STK32B: variants seen among roughly 807,000 people sequenced by gnomAD.
STK32B encodes the protein serine/threonine-protein kinase 32B.
STK32B carries 43 observed loss-of-function variants against 52.6 expected under a neutral mutation model. The observed-to-expected ratio is 0.82, with a 90% CI of 0.64 to 1.05. The LOEUF (loss-of-function observed/expected upper bound fraction) is 1.05, where lower values mean the gene tolerates loss of function less well. Ranked by LOEUF, STK32B falls within the 50% of genes least tolerant of loss-of-function variation. STK32B has a pLI of 0.00. For missense variants in STK32B, 621 were observed against 534.6 expected (o/e 1.16, Z -1.59); for synonymous variants, 238 against 204.3 (o/e 1.17, Z -1.41).
chr4:5,033,462 G>A, the STK32B span, among the ~76,000 whole-genome samples: 1 of 152,206 alleles, frequency 6.6e-6, no homozygotes, highest in Non-Finnish European at 1.5e-5. Flanking sequence ...GCAGGAAGTG[G>A]GTGAGAACAA....
intron 3 of STK32B, among the ~76,000 whole-genome samples, chr4:5,329,400 G>A (rs900242152): frequency 6.6e-6 from 1 of 152,146 alleles, no homozygotes; most frequent in Non-Finnish European, 1.5e-5. Flanking sequence ...CCAGCCTCCC[G>A]CCATGGGTCA....
At chr4:5,067,675 A>T (rs1742475901) in intron 1 of STK32B, among the ~76,000 whole-genome samples, 1 of 152,100 alleles carries the variant, frequency 6.6e-6, no homozygotes, top group South Asian at 2.1e-4. Context: ...ACAAGTGTGT[A>T]TTAGTCCATT....
chr4:5,093,380 T>A (rs2108785611), intron 1 of STK32B, among the ~76,000 whole-genome samples: 1 of 152,298 alleles, frequency 6.6e-6, no homozygotes, highest in East Asian at 1.9e-4. Flanking sequence ...TGTACTACTG[T>A]AAAAATTTCA....
chr4:5,485,748 T>G (rs1719122851), intron 11 of STK32B, among the ~76,000 whole-genome samples: 1 of 152,212 alleles, frequency 6.6e-6, no homozygotes, highest in South Asian at 2.1e-4. Flanking sequence ...ATGATGGTGA[T>G]GTACAGATGG....
intron 2 of STK32B, among the ~76,000 whole-genome samples, chr4:5,154,016 A>G (rs1390019320): frequency 1.3e-5 from 2 of 152,198 alleles, no homozygotes; most frequent in African/African-American, 4.8e-5. Flanking sequence ...AAAGTAAAGG[A>G]TCTAGAAGAG....
At position 5,167,647 on chromosome 4, in the gene STK32B, G is replaced by C. The variant is rs78343655; in HGVS notation, c.109-652G>C. ...GGGGCTAGGCAAACTTACAAACTCC[G>C]GGAGCCAGTGTAAACACTGGCATCA... On this transcript the variant is annotated intron_variant, in intron 2 of 11. Transcript: ENST00000282908. 2.3e-3 allele frequency among the ~76,000 whole-genome samples: 348 copies of C among 152,324 alleles called. 1 individual carries two copies. The highest frequency in any genetic ancestry group is 7.9e-3 in the African/African-American group (328 of 41,572).
In STK32B at chr4:5,335,729, G is replaced by A. The variant is rs372315180; in HGVS notation, c.434+4336G>A. ...ACATCTTTATTTCTGCCTTCATTTC[G>A]TTATGTACCCGGTAGTCTTTCAGGA... On this transcript the variant is annotated intron_variant, in intron 4 of 11. Coordinates refer to ENST00000282908, the MANE Select transcript of STK32B (RefSeq NM_018401.3). 1.8e-3 allele frequency among the ~76,000 whole-genome samples: 269 copies of A among 151,996 alleles called. 4 individuals are homozygous for A. The South Asian group carries it at 0.034, about 19-fold the overall frequency.
At chr4:5,464,537 A>T (rs1478327682) in intron 9 of STK32B, among the ~76,000 whole-genome samples, 3 of 152,192 alleles carry the variant, frequency 2.0e-5, no homozygotes, top group Non-Finnish European at 2.9e-5. Flanking sequence ...ACCCCAGAAC[A>T]ATGGGTGACA....
intron 3 of STK32B, among the ~76,000 whole-genome samples, chr4:5,234,800 C>T (rs1016406745): frequency 6.6e-6 from 1 of 152,270 alleles, no homozygotes; most frequent in Non-Finnish European, 1.5e-5. Flanking sequence ...CCCAAGGGCA[C>T]TCAAAGCATA....
intron 3 of STK32B, among the ~76,000 whole-genome samples, chr4:5,286,031 G>C (rs558806068): frequency 6.6e-6 from 1 of 152,088 alleles, no homozygotes; most frequent in Non-Finnish European, 1.5e-5. Flanking sequence ...GGATCATTAT[G>C]TGGTGAGAAG....
At chr4:5,071,060 G>C (rs1281148851) in intron 1 of STK32B, among the ~76,000 whole-genome samples, 1 of 152,148 alleles carries the variant, frequency 6.6e-6, no homozygotes, top group Non-Finnish European at 1.5e-5. Context: ...GCCCTCCTGA[G>C]TGCAGAATGC....
Position 5,470,040 on chromosome 4 carries a change from T to C in STK32B, c.1106+1970T>C, listed in dbSNP as rs553276565. Among the ~76,000 whole-genome samples the C allele has an allele frequency of 3.1e-3, 466 of 152,278 alleles. 2 individuals are homozygous for C. Among genetic ancestry groups the C allele is most frequent in the Non-Finnish European group, 5.2e-3 (352 of 68,012 alleles). The stretch of plus-strand genomic sequence containing the variant: ...TGAGCCTGCAAAAAGCTAAGCTGTG[T>C]GGGACCCAAGCAGACAGCAATCTCA... On this transcript the variant is annotated intron_variant, in intron 11 of 11. Coordinates refer to ENST00000282908, the MANE Select transcript of STK32B (RefSeq NM_018401.3). The surrounding 1 kb of genome is among the most constrained non-coding windows in gnomAD (Gnocchi z 4.6).
At chr4:5,190,945 A>G (rs1721145720) in intron 3 of STK32B, among the ~76,000 whole-genome samples, 1 of 152,208 alleles carries the variant, frequency 6.6e-6, no homozygotes, top group African/African-American at 2.4e-5. Flanking sequence ...TTGTGACTCC[A>G]GAGCCTGCAC....
rs546269822 is a variant in STK32B at position 5,417,075 on chromosome 4, C to A, written c.562+141C>A. The A allele has an allele frequency of 2.8e-5, 20 of 710,332 alleles. No homozygotes were observed. The Admixed American group carries it at 5.4e-4, about 19-fold the overall frequency. The allele number at this position is 710,332 out of a possible 1,614,324, so 44.0% of individuals were successfully genotyped here. On this transcript the variant is annotated intron_variant, in intron 6 of 11. Transcript: ENST00000282908. ...GAGGTTCCACAGTTCCCAGTAGATACAATGCTCCCTCGAAGCTCTGGACCT... is the reference window on the plus strand; with the variant it reads ...GAGGTTCCACAGTTCCCAGTAGATAAAATGCTCCCTCGAAGCTCTGGACCT...
At chr4:5,328,831 G>A (rs181820820) in intron 3 of STK32B, among the ~76,000 whole-genome samples, 6 of 152,122 alleles carry the variant, frequency 3.9e-5, no homozygotes, top group Non-Finnish European at 5.9e-5. Context: ...GCTTCCCAGC[G>A]AGGCTGTATT....
At chr4:5,301,095 A>G (rs1329743466) in intron 3 of STK32B, among the ~76,000 whole-genome samples, 1 of 152,096 alleles carries the variant, frequency 6.6e-6, no homozygotes, top group Non-Finnish European at 1.5e-5. Flanking sequence ...TGATTTTCGT[A>G]TGTTAGACCA....
chr4:5,147,693 A>G (rs927478610), intron 2 of STK32B, among the ~76,000 whole-genome samples: 1 of 151,972 alleles, frequency 6.6e-6, no homozygotes, highest in Non-Finnish European at 1.5e-5. Flanking sequence ...TTTTTTCTCC[A>G]TATTTTGTTA....
chr4:5,219,024 G>A (rs1474170086), intron 3 of STK32B, among the ~76,000 whole-genome samples: 4 of 152,344 alleles, frequency 2.6e-5, no homozygotes, highest in East Asian at 1.9e-4. Context: ...GTGGGGCCTG[G>A]AGAGCCCCCT....
intron 11 of STK32B, among the ~76,000 whole-genome samples, chr4:5,471,538 G>A (rs1346235564): frequency 1.3e-5 from 2 of 152,128 alleles, no homozygotes; most frequent in African/African-American, 2.4e-5. Flanking sequence ...AGCCTCTAGA[G>A]CTATGGGGAA....
Sources: gnomAD v4.1 joint callset for allele counts (sites outside exome capture counted in the v4.1 genomes callset) on GRCh38, gnomAD v4.1.1 for gene constraint, Gnocchi (gnomAD v3.1) non-coding constraint, MANE v1.5 for transcripts, NCBI Gene and HGNC (gene_info 2026-07-23, HGNC 2026-07-21) for gene names.